The following KANK1 variants were observed in gnomAD, a reference collection of about 807,000 sequenced individuals.
KANK1 encodes the protein KN motif and ankyrin repeat domain-containing protein 1.
In KANK1, 109 loss-of-function variants were observed where a neutral mutation model predicts 106.2. That is an observed-to-expected ratio of 1.03 (90% CI 0.88 to 1.20). KANK1 has a LOEUF of 1.20. Ranked by LOEUF, KANK1 falls within the 50% of genes most tolerant of loss-of-function variation. KANK1 has a pLI of 0.00. For missense variants in KANK1, 2,399 were observed against 1,710.7 expected (o/e 1.40, Z -7.10); for synonymous variants, 873 against 652.2 (o/e 1.34, Z -5.16).
intron 1 of KANK1, among the ~76,000 whole-genome samples, chr9:626,201 T>C (rs79760573): frequency 4.6e-5 from 7 of 152,304 alleles, no homozygotes; most frequent in African/African-American, 1.7e-4. Context: ...CAGTGGTTCA[T>C]GCCTGTAATC....
At chr9:574,389 C>A (rs1433705552) in intron 1 of KANK1, among the ~76,000 whole-genome samples, 1 of 141,408 alleles carries the variant, frequency 7.1e-6, no homozygotes, top group Non-Finnish European at 1.5e-5. Flanking sequence ...GCCTCACTTC[C>A]TGCTTTTCCA....
intron 2 of KANK1, among the ~76,000 whole-genome samples, chr9:699,367 G>A (rs1822096454): frequency 6.6e-6 from 1 of 152,200 alleles, no homozygotes; most frequent in African/African-American, 2.4e-5. Flanking sequence ...CTGAATGAAA[G>A]AATACATCCA....
At chr9:735,863 T>C (rs1589299225) in intron 7 of KANK1, 1 of 289,940 alleles carries the variant, frequency 3.4e-6, no homozygotes, top group African/African-American at 2.1e-5. Flanking sequence ...GGCATGGTGG[T>C]ACACCCGTGT....
chr9:671,231 TTTTTG>T (rs1272358706), intron 1 of KANK1, among the ~76,000 whole-genome samples: 8 of 152,008 alleles, frequency 5.3e-5, no homozygotes, highest in Non-Finnish European at 1.2e-4. Context: ...TGGAGTTTTT[TTTTTG>T]TTTGTTTTTT....
intron 1 of KANK1, among the ~76,000 whole-genome samples, chr9:531,137 A>G (rs528692600): frequency 5.9e-5 from 9 of 152,218 alleles, no homozygotes; most frequent in African/African-American, 2.2e-4. Flanking sequence ...TGCTAAAACA[A>G]TAGTGAGAAG....
intron 1 of KANK1, among the ~76,000 whole-genome samples, chr9:581,799 T>C (rs1281854873): frequency 6.6e-6 from 1 of 152,168 alleles, no homozygotes; most frequent in Non-Finnish European, 1.5e-5. Flanking sequence ...TCCCTACTGC[T>C]TCTGGGCTGC....
intron 2 of KANK1, among the ~76,000 whole-genome samples, chr9:679,854 T>G (rs1173254856): frequency 6.6e-6 from 1 of 152,182 alleles, no homozygotes; most frequent in Non-Finnish European, 1.5e-5. Context: ...GTTGAGAATA[T>G]GTTAATAAAA....
chr9:495,544 AATC>A (rs1014699036), intron 3 of KANK1: 2 of 152,182 alleles, frequency 1.3e-5, no homozygotes, highest in African/African-American at 4.8e-5. Context: ...TAAAAAAAAA[AATC>A]ATGATTGAAG....
chr9:612,214 CA>C lies in KANK1; in HGVS notation c.-83-64675del, dbSNP rs1390613857. ...GCTTTTGGCAGCTGTAGAGAAAATA[CA>C]CAAAGCCAGGTGTTGTGGCTCTTGG... On this transcript the variant is annotated intron_variant, in intron 1 of 11. Coordinates refer to ENST00000382297, the MANE Select transcript of KANK1 (RefSeq NM_015158.5). Among the ~76,000 whole-genome samples, 4 of 152,270 alleles carry C rather than the reference CA, an allele frequency of 2.6e-5. No individual in the cohort carries two copies. The East Asian group carries it at 7.7e-4, about 29-fold the overall frequency.
At chr9:672,425 A>G (rs1815376111) in intron 1 of KANK1, among the ~76,000 whole-genome samples, 1 of 152,200 alleles carries the variant, frequency 6.6e-6, no homozygotes, top group African/African-American at 2.4e-5. Flanking sequence ...CTTAATAAGC[A>G]TTTTATCATT....
rs1022682707 is a variant in KANK1, at chr9:744,693, G to A, written c.3996+104G>A. On this transcript the variant is annotated intron_variant, in intron 11 of 11. Coordinates refer to ENST00000382297, the MANE Select transcript of KANK1 (RefSeq NM_015158.5). ...GGGAGACAGATTTTATGTTGATTCA[G>A]AAAATGGAAGTTTTAGTCTGGAGCT... The A allele has an allele frequency of 1.9e-6, 3 of 1,597,912 alleles. No individual in the cohort carries two copies. In the East Asian group the frequency reaches 6.7e-5, roughly 36 times the overall value.
intron 3 of KANK1, among the ~76,000 whole-genome samples, chr9:721,083 A>G (rs563347689): frequency 6.6e-6 from 1 of 152,230 alleles, no homozygotes; most frequent in Non-Finnish European, 1.5e-5. Context: ...TGGAGACACT[A>G]GTTGTATTAC....
At chr9:744,386 T>C in intron 10 of KANK1, 105 bp from the exon 11 acceptor site, 1 of 1,325,552 alleles carries the variant, frequency 7.5e-7, no homozygotes, top group Non-Finnish European at 1.0e-6. Context: ...TAGGGATATT[T>C]GGGGAACCTT....
At chr9:596,535 A>C (rs1358298279) in intron 1 of KANK1, among the ~76,000 whole-genome samples, 1 of 151,562 alleles carries the variant, frequency 6.6e-6, no homozygotes, top group Non-Finnish European at 1.5e-5. Context: ...CCTGGTTTTG[A>C]GTAGGTTTCC....
chr9:744,767 A>G (rs1454133575), intron 11 of KANK1, 178 bp downstream of exon 11: 11 of 1,494,280 alleles, frequency 7.4e-6, no homozygotes, highest in Non-Finnish European at 9.8e-6. Context: ...AGGAGAACTA[A>G]TGTTTTAGCA....
chr9:593,288 G>T (rs777277644), intron 1 of KANK1, among the ~76,000 whole-genome samples: 22 of 151,840 alleles, frequency 1.4e-4, no homozygotes, highest in Non-Finnish European at 2.9e-4. Context: ...ACAAAAGTCA[G>T]ATGTGCCCAT....
intron 2 of KANK1, among the ~76,000 whole-genome samples, chr9:709,243 G>C (rs907711282): frequency 1.3e-5 from 2 of 152,216 alleles, no homozygotes; most frequent in Non-Finnish European, 2.9e-5. Flanking sequence ...ACACAAAATA[G>C]AGTTGAAGTC....
rs1166568723 is a variant in KANK1 at position 711,906 on chromosome 9, G to A, written c.1140G>A (p.Lys380=). The A allele has an allele frequency of 6.2e-7, 1 of 1,614,204 alleles. No homozygotes were observed. The highest frequency in any genetic ancestry group is 8.5e-7 in the Non-Finnish European group (1 of 1,180,034). ...CAGACATGCAAGCCCTGGAGCAGAA[G>A]ATCCAGGACAGCAGCTGTGAGGCCT... ...LTADMQALEQ[K]IQDSSCEASS... Residue 380 remains lysine (K), a synonymous_variant, in exon 3 of 12, where the codon AAG becomes AAA. Transcript: ENST00000382297.
chr9:618,772 G>A (rs1832466131), intron 1 of KANK1, among the ~76,000 whole-genome samples: 1 of 152,078 alleles, frequency 6.6e-6, no homozygotes, highest in African/African-American at 2.4e-5. Flanking sequence ...CTTCCATTCA[G>A]TAAGAAAGCT....
Sources: allele counts gnomAD v4.1 joint callset (sites outside exome capture counted in the v4.1 genomes callset), GRCh38; gene constraint gnomAD v4.1.1; transcripts MANE v1.5; gene names NCBI Gene and HGNC (gene_info 2026-07-23, HGNC 2026-07-21).